The following ZNF451 variants were observed in gnomAD, a reference collection of about 807,000 sequenced individuals.
The protein encoded by ZNF451 is E3 SUMO-protein ligase ZNF451.
Under a neutral mutation model 107.1 loss-of-function variants are expected in ZNF451, and 80 were observed. The observed-to-expected ratio is 0.75, with a 90% CI of 0.62 to 0.90. The LOEUF is 0.90. Ranked by LOEUF, ZNF451 falls within the 40% of genes least tolerant of loss-of-function variation. ZNF451 has a pLI of 0.00. For missense variants in ZNF451, 1,107 were observed against 1,236.2 expected (o/e 0.90, Z 1.57); for synonymous variants, 362 against 406.5 (o/e 0.89, Z 1.32).
intron 13 of ZNF451, among the ~76,000 whole-genome samples, chr6:57,156,163 T>C (rs1763418406): frequency 6.6e-6 from 1 of 152,168 alleles, no homozygotes; most frequent in South Asian, 2.1e-4. Flanking sequence ...GAAAATGTGA[T>C]TCCTAGCCAC....
intron 2 of ZNF451, among the ~76,000 whole-genome samples, chr6:57,092,560 A>G (rs1033645924): frequency 2.6e-5 from 4 of 152,352 alleles, no homozygotes; most frequent in Middle Eastern, 3.4e-3. Context: ...CACCACTTAC[A>G]TGACAATAAT....
intron 14 of ZNF451, among the ~76,000 whole-genome samples, chr6:57,167,663 C>T (rs1763956581): frequency 6.6e-6 from 1 of 152,098 alleles, no homozygotes; most frequent in Non-Finnish European, 1.5e-5. Flanking sequence ...GACTGTGGAC[C>T]AGATGGGATG....
At chr6:57,138,771 GTGTGTA>G (rs1442670068) in intron 7 of ZNF451, among the ~76,000 whole-genome samples, 12 of 124,336 alleles carry the variant, frequency 9.7e-5, no homozygotes, top group East Asian at 6.4e-4. Flanking sequence ...GTGTGTGTGT[GTGTGTA>G]TATATATATA....
At chr6:57,160,412 C>T (rs1187764613) in intron 13 of ZNF451, among the ~76,000 whole-genome samples, 1 of 152,056 alleles carries the variant, frequency 6.6e-6, no homozygotes, top group Admixed American at 6.5e-5. Context: ...CAGCTCACTG[C>T]AACCTCCACC....
Position 57,161,100 on chromosome 6 carries a change from T to A in ZNF451, c.3087T>A (p.Asp1029Glu), listed in dbSNP as rs1393035757. 20 of 1,565,274 alleles carry A rather than the reference T, an allele frequency of 1.3e-5. No individual in the cohort carries two copies. The highest frequency in any genetic ancestry group is 2.4e-5 in the South Asian group (2 of 82,148). ...SDTTKECDSD[D>E]NMGAKNTSIG... ...TCTTTACAGAATGTGACAGTGATGA[T>A]AACATGGGTGCCAAAAATACTTCAA... Residue 1029 changes from aspartate to glutamate, a missense_variant, in exon 14 of 15, where the codon GAT becomes GAA. Asp to Glu is a conservative substitution (Grantham distance 45). Transcript: ENST00000370706.
intron 3 of ZNF451, chr6:57,104,811 T>C (rs576862934): frequency 4.1e-6 from 4 of 985,448 alleles, no homozygotes; most frequent in Non-Finnish European, 4.8e-6. Context: ...CTAACTGATA[T>C]GCCCAAGTGT....
At position 57,142,111 on chromosome 6, in the gene ZNF451, G is replaced by A. The variant is rs1365010812; in HGVS notation, c.1004+16G>A. 4 of 1,593,632 alleles carry A rather than the reference G, an allele frequency of 2.5e-6. No individual in the cohort carries two copies. The Admixed American group carries it at 6.7e-5, about 27-fold the overall frequency. On this transcript the variant is annotated intron_variant, in intron 9 of 14. Coordinates refer to ENST00000370706, the MANE Select transcript of ZNF451 (RefSeq NM_001031623.3). ...CCCATTTCAGGTTTGTATTGGTCTG[G>A]AGCTGTAAAGGAATACGGATGAGTG...
intron 3 of ZNF451, chr6:57,100,677 T>G (rs1231957709): frequency 6.5e-7 from 1 of 1,550,206 alleles, no homozygotes; most frequent in Non-Finnish European, 8.7e-7. Flanking sequence ...ATGTTCCTCT[T>G]CCCATTGGAG....
chr6:57,138,029 C>T (rs998114642), intron 7 of ZNF451, among the ~76,000 whole-genome samples: 1 of 152,174 alleles, frequency 6.6e-6, no homozygotes, highest in Non-Finnish European at 1.5e-5. Context: ...GTTGTTTCTA[C>T]TTTTTGGCTG....
At chr6:57,141,517 C>A in intron 8 of ZNF451, 62 bp downstream of exon 8, 1 of 1,424,522 alleles carries the variant, frequency 7.0e-7, no homozygotes, top group Non-Finnish European at 9.6e-7. Context: ...ATTTATCATA[C>A]TTCTCAGATC....
intron 5 of ZNF451, among the ~76,000 whole-genome samples, chr6:57,132,469 C>T (rs1831225387): frequency 6.6e-6 from 1 of 152,104 alleles, no homozygotes; most frequent in Admixed American, 6.5e-5. Flanking sequence ...CCTGTAATCC[C>T]AGCACTTTGG....
At position 57,101,255 on chromosome 6, in the gene ZNF451, C is replaced by T. The variant is rs543372712; in HGVS notation, c.186+2114C>T. The T allele has an allele frequency of 1.6e-4, 245 of 1,551,030 alleles. 3 individuals carry two copies. The South Asian group carries it at 2.6e-3, about 16-fold the overall frequency. ...AAAAGGGTGACATTACAATCTGAAG[C>T]GGAGTCATGTGAAGGGAAACCTGAT... is the stretch of plus-strand genomic sequence containing the variant. On this transcript the variant is annotated intron_variant, in intron 3 of 14. Coordinates refer to ENST00000370706, the MANE Select transcript of ZNF451 (RefSeq NM_001031623.3).
rs1346067793 is a variant in ZNF451 at position 57,160,821 on chromosome 6, A to G, written c.3071-263A>G. On this transcript the variant is annotated intron_variant, in intron 13 of 14. Transcript: ENST00000370706. Reference sequence around the variant, plus strand: ...GACATCAGGTAAGTAAGTTTGTGCTATGCAAGAGGCATTGTTAATGAAAAC... The same window carrying G: ...GACATCAGGTAAGTAAGTTTGTGCTGTGCAAGAGGCATTGTTAATGAAAAC... 11 of 313,952 alleles carry G rather than the reference A, an allele frequency of 3.5e-5. 1 individual carries two copies. In the South Asian group the frequency reaches 1.1e-3, roughly 30 times the overall value. The allele number at this position is 313,952 out of a possible 1,614,324, so 19.4% of individuals were successfully genotyped here. A position where few individuals can be genotyped will look rare whatever the true frequency, so the allele number is the denominator to read the frequency against.
chr6:57,108,166 T>A, intron 3 of ZNF451: 2 of 985,432 alleles, frequency 2.0e-6, no homozygotes, highest in Non-Finnish European at 2.4e-6. Context: ...TAAAAAATTC[T>A]ACTTTGACCT....
intron 3 of ZNF451, chr6:57,101,025 C>A (rs1307207228): frequency 6.4e-7 from 1 of 1,550,428 alleles, no homozygotes; most frequent in Admixed American, 2.0e-5. Context: ...AGTCCAGGAG[C>A]TGTTTTAGAT....
At chr6:57,097,650 T>C (rs1012840975) in intron 2 of ZNF451, among the ~76,000 whole-genome samples, 3 of 152,348 alleles carry the variant, frequency 2.0e-5, no homozygotes, top group Admixed American at 1.3e-4. Flanking sequence ...GACAGCTTTT[T>C]ATTGAGGCAA....
In ZNF451 at chr6:57,107,693, G is replaced by T. The variant is rs1020225431; in HGVS notation, c.186+8552G>T. 4 of 985,150 alleles carry T rather than the reference G, an allele frequency of 4.1e-6. No homozygotes were observed. In the African/African-American group the frequency reaches 5.2e-5, roughly 13 times the overall value. The allele number at this position is 985,150 out of a possible 1,614,324, so 61.0% of individuals were successfully genotyped here. ...TTTCAAATGGTCTGTTGGGTTTTGT[G>T]GTACCTTGTCAAGAATTCAATAAGA... On this transcript the variant is annotated intron_variant, in intron 3 of 14. Transcript: ENST00000370706.
chr6:57,139,945 G>A (rs1831670751), intron 7 of ZNF451, among the ~76,000 whole-genome samples: 1 of 152,010 alleles, frequency 6.6e-6, no homozygotes, highest in Non-Finnish European at 1.5e-5. Context: ...TGGGAGGCTG[G>A]GATAGGAGGA....
In ZNF451 at chr6:57,147,383, T is replaced by C. The variant is rs1450634369; in HGVS notation, c.1298T>C (p.Ile433Thr). The change falls in exon 10 of 15, where the codon ATT (isoleucine) becomes ACT (threonine). Residue 433 changes from isoleucine to threonine, a missense_variant. Transcript: ENST00000370706. ...TCATCACTTAAAAGAACCATGTCTATTAAAGAATCTAGCTCACTGGAGTGC... is the reference window on the plus strand; with the variant it reads ...TCATCACTTAAAAGAACCATGTCTACTAAAGAATCTAGCTCACTGGAGTGC... ...KFSSLKRTMSIKESSSLECIA... is the reference protein window; with the variant it reads ...KFSSLKRTMSTKESSSLECIA... The C allele has an allele frequency of 1.9e-6, 3 of 1,614,102 alleles. No individual in the cohort carries two copies. Among genetic ancestry groups the C allele is most frequent in the East Asian group, 2.2e-5 (1 of 44,874 alleles).
Sources: gnomAD v4.1 joint callset for allele counts (sites outside exome capture counted in the v4.1 genomes callset) on GRCh38, gnomAD v4.1.1 for gene constraint, MANE v1.5 for transcripts, NCBI Gene and HGNC (gene_info 2026-07-23, HGNC 2026-07-21) for gene names.